The following MAN2A1 variants were observed in gnomAD, a reference collection of about 807,000 sequenced individuals.
MAN2A1 encodes mannosidase alpha class 2A member 1.
MAN2A1 carries 76 observed loss-of-function variants against 142.6 expected under a neutral mutation model. The observed-to-expected ratio is 0.53, with a 90% CI of 0.44 to 0.65. The LOEUF (loss-of-function observed/expected upper bound fraction) is 0.65, where lower values mean the gene tolerates loss of function less well. Ranked by LOEUF, MAN2A1 falls within the 30% of genes least tolerant of loss-of-function variation. The pLI is 0.00. For missense variants in MAN2A1, 1,311 were observed against 1,365.1 expected (o/e 0.96, Z 0.62); for synonymous variants, 559 against 473.2 (o/e 1.18, Z -2.35).
At chr5:109,728,599 T>C (rs1212633712) in intron 3 of MAN2A1, among the ~76,000 whole-genome samples, 2 of 152,196 alleles carry the variant, frequency 1.3e-5, no homozygotes, top group African/African-American at 2.4e-5. Flanking sequence ...CAACTATCTT[T>C]AGATAAAATT....
At chr5:109,792,144 C>A (rs1753752909) in intron 12 of MAN2A1, among the ~76,000 whole-genome samples, 2 of 152,180 alleles carry the variant, frequency 1.3e-5, no homozygotes, top group Middle Eastern at 3.4e-3. Context: ...GATGACCTCC[C>A]AGCACCAATA....
chr5:109,845,033 C>T (rs898529917), intron 17 of MAN2A1, among the ~76,000 whole-genome samples: 2 of 152,150 alleles, frequency 1.3e-5, no homozygotes, highest in African/African-American at 2.4e-5. Context: ...TGAAATACTC[C>T]GGACCATGCC....
intron 4 of MAN2A1, among the ~76,000 whole-genome samples, chr5:109,747,210 T>C (rs1752430894): frequency 6.6e-6 from 1 of 152,192 alleles, no homozygotes; most frequent in South Asian, 2.1e-4. Flanking sequence ...TTAATTTTTT[T>C]TTAATCACTG....
chr5:109,789,107 G>A (rs1029668277), intron 11 of MAN2A1, 59 bp downstream of exon 11: 4 of 832,952 alleles, frequency 4.8e-6, no homozygotes, highest in South Asian at 3.8e-5. Context: ...TCTTGCATTA[G>A]CAAAGAGGAT....
At chr5:109,735,308 G>A (rs1284982127) in intron 4 of MAN2A1, among the ~76,000 whole-genome samples, 2 of 151,986 alleles carry the variant, frequency 1.3e-5, no homozygotes, top group Non-Finnish European at 2.9e-5. Flanking sequence ...CACACTGATG[G>A]GTCTTGACTC....
In MAN2A1 at chr5:109,769,014, A is replaced by G. The variant is rs1051960776; in HGVS notation, c.1009+1306A>G. On this transcript the variant is annotated intron_variant, in intron 6 of 21. Transcript: ENST00000261483. ...TTTGATAAAATACGGATACAGCCAA[A>G]TGTAGCAGATAAAATTAAGTATGCA... 2.0e-5 allele frequency among the ~76,000 whole-genome samples: 3 copies of G among 152,206 alleles called. No individual in the cohort carries two copies. The East Asian group carries it at 5.8e-4, about 29-fold the overall frequency.
intron 3 of MAN2A1, among the ~76,000 whole-genome samples, chr5:109,724,759 G>A (rs916701109): frequency 6.6e-6 from 1 of 152,118 alleles, no homozygotes; most frequent in African/African-American, 2.4e-5. Flanking sequence ...GTGGAGCGGG[G>A]TGCCTTCTTA....
intron 20 of MAN2A1, chr5:109,864,391 T>C (rs1755829885): frequency 6.6e-6 from 1 of 152,236 alleles, no homozygotes; most frequent in African/African-American, 2.4e-5. Flanking sequence ...AGCTGACTTG[T>C]CATGTTTAGT....
intron 1 of MAN2A1, among the ~76,000 whole-genome samples, chr5:109,697,860 G>T (rs1750858056): frequency 6.6e-6 from 1 of 152,208 alleles, no homozygotes. Context: ...ATAAGCATTG[G>T]TCAAACTTTG....
chr5:109,793,470 C>T (rs1326536099), intron 12 of MAN2A1, among the ~76,000 whole-genome samples: 1 of 152,086 alleles, frequency 6.6e-6, no homozygotes, highest in Admixed American at 6.6e-5. Context: ...AAGCTTCAGA[C>T]ACCAGATATG....
chr5:109,751,928 G>A (rs1301035088), intron 4 of MAN2A1, among the ~76,000 whole-genome samples: 2 of 150,912 alleles, frequency 1.3e-5, no homozygotes, highest in Non-Finnish European at 2.9e-5. Context: ...TTTTTAATTG[G>A]CCCCTTTTCT....
At chr5:109,745,129 G>C (rs897946092) in intron 4 of MAN2A1, among the ~76,000 whole-genome samples, 3 of 152,022 alleles carry the variant, frequency 2.0e-5, no homozygotes, top group African/African-American at 7.2e-5. Flanking sequence ...GGATTGGAAC[G>C]GGGCATGAGG....
intron 1 of MAN2A1, among the ~76,000 whole-genome samples, chr5:109,701,036 T>G (rs1158243483): frequency 1.3e-5 from 2 of 152,244 alleles, no homozygotes; most frequent in Non-Finnish European, 2.9e-5. Flanking sequence ...TAGTAAGTGC[T>G]CAGTAAATGC....
intron 16 of MAN2A1, among the ~76,000 whole-genome samples, chr5:109,839,649 CTTT>C (rs34820879): frequency 1.8e-4 from 20 of 109,800 alleles, no homozygotes; most frequent in African/African-American, 4.6e-4. Context: ...CTGTCTCTCT[CTTT>C]TTTTTTTTTT....
chr5:109,811,169 A>G (rs1224437112), intron 12 of MAN2A1, among the ~76,000 whole-genome samples: 2 of 151,536 alleles, frequency 1.3e-5, no homozygotes, highest in Non-Finnish European at 2.9e-5. Flanking sequence ...TATCTTTTTT[A>G]TGTTTCAAAA....
chr5:109,780,510 C>CTGTGTGTGTGTGTG lies in MAN2A1; in HGVS notation c.1375-860_1375-847dup, dbSNP rs113661582. 1.8e-3 allele frequency among the ~76,000 whole-genome samples: 257 copies of CTGTGTGTGTGTGTG among 143,754 alleles called. 1 individual carries two copies. The highest frequency in any genetic ancestry group is 6.4e-3 in the African/African-American group (246 of 38,500). The allele number at this position is 143,754 out of a possible 152,430, so 94.3% of individuals were successfully genotyped here. A position where few individuals can be genotyped will look rare whatever the true frequency, so the allele number is the denominator to read the frequency against. On this transcript the variant is annotated intron_variant, in intron 8 of 21. Coordinates refer to ENST00000261483, the MANE Select transcript of MAN2A1 (RefSeq NM_002372.4). Reference sequence around the variant, plus strand: ...CTTGAATCAAAATGACTTGCAATATCTGTGTGTGTGTGTGTGTGTGTGTGT... The same window carrying CTGTGTGTGTGTGTG: ...CTTGAATCAAAATGACTTGCAATATCTGTGTGTGTGTGTGTGTGTGTGTGTGTGTGTGTGTGTGT...
intron 3 of MAN2A1, among the ~76,000 whole-genome samples, chr5:109,719,302 A>C (rs1430127952): frequency 6.6e-6 from 1 of 152,242 alleles, no homozygotes; most frequent in Non-Finnish European, 1.5e-5. Context: ...AACTACAGTG[A>C]TTTTTGCTGT....
chr5:109,795,231 G>A (rs1012783143), intron 12 of MAN2A1, among the ~76,000 whole-genome samples: 1 of 151,972 alleles, frequency 6.6e-6, no homozygotes, highest in Non-Finnish European at 1.5e-5. Context: ...AAAATATAAA[G>A]GTCTCTTGGG....
chr5:109,704,029 T>G (rs1751060134), intron 1 of MAN2A1, among the ~76,000 whole-genome samples: 2 of 152,102 alleles, frequency 1.3e-5, no homozygotes, highest in Non-Finnish European at 2.9e-5. Flanking sequence ...CCTGACCACA[T>G]TTTTGGAGGA....
Sources: gnomAD v4.1 joint callset for allele counts (sites outside exome capture counted in the v4.1 genomes callset) on GRCh38, gnomAD v4.1.1 for gene constraint, MANE v1.5 for transcripts, NCBI Gene and HGNC (gene_info 2026-07-23, HGNC 2026-07-21) for gene names.